The following ESR1 variants were observed in gnomAD, a reference collection of about 807,000 sequenced individuals.
ESR1 encodes the protein estrogen receptor.
ESR1 carries 12 observed loss-of-function variants against 52.7 expected under a neutral mutation model. The ratio of observed to expected loss-of-function variants is 0.23; its 90% CI spans 0.15 to 0.37. The LOEUF is 0.37. ESR1 is among the 10% of genes least tolerant of loss of function. ESR1 has a pLI of 1.00. For synonymous variants in ESR1, 305 were observed against 316.8 expected (o/e 0.96, Z 0.39); for missense variants, 584 against 779.7 (o/e 0.75, Z 2.99).
At chr6:151,993,811 T>C (rs1447367514) in intron 4 of ESR1, among the ~76,000 whole-genome samples, 1 of 152,162 alleles carries the variant, frequency 6.6e-6, no homozygotes, top group African/African-American at 2.4e-5. Context: ...GGCTTCTTAG[T>C]GGAGAAGCCA....
At chr6:152,063,229 C>T (rs1455465014) in intron 6 of ESR1, among the ~76,000 whole-genome samples, 1 of 152,168 alleles carries the variant, frequency 6.6e-6, no homozygotes, top group African/African-American at 2.4e-5. Flanking sequence ...CTTGGCACTT[C>T]TTTGCTCTTG....
chr6:151,964,110 T>A (rs1002588895), intron 4 of ESR1, among the ~76,000 whole-genome samples: 5 of 152,220 alleles, frequency 3.3e-5, no homozygotes, highest in Admixed American at 3.3e-4. Context: ...GTTTGATGCC[T>A]CTAGCTTTGT....
At chr6:151,796,174 A>G (rs1202119580) in intron 2 of ESR1, among the ~76,000 whole-genome samples, 1 of 152,056 alleles carries the variant, frequency 6.6e-6, no homozygotes, top group Non-Finnish European at 1.5e-5. Flanking sequence ...TCAAAAAAAA[A>G]AAAAAGAAAA....
At chr6:151,890,398 T>C (rs1197830973) in intron 3 of ESR1, among the ~76,000 whole-genome samples, 2 of 152,220 alleles carry the variant, frequency 1.3e-5, no homozygotes, top group Admixed American at 1.3e-4. Context: ...TGATCTATAC[T>C]GTTTTATCTA....
intron 2 of ESR1, among the ~76,000 whole-genome samples, chr6:151,763,707 A>G (rs1296493240): frequency 1.3e-5 from 2 of 152,202 alleles, no homozygotes; most frequent in East Asian, 1.9e-4. Context: ...AAGGCCCACA[A>G]AATATACCCA....
chr6:152,000,613 A>T (rs573819536), intron 4 of ESR1, among the ~76,000 whole-genome samples: 22 of 152,128 alleles, frequency 1.4e-4, no homozygotes, highest in African/African-American at 5.3e-4. Context: ...TAGTCTTGTC[A>T]TCATGAGATG....
At chr6:151,878,421 G>A (rs1237716636) in intron 2 of ESR1, among the ~76,000 whole-genome samples, 1 of 152,158 alleles carries the variant, frequency 6.6e-6, no homozygotes, top group Non-Finnish European at 1.5e-5. Context: ...ATAGAAGAGT[G>A]CAAATGTTAA....
intron 6 of ESR1, among the ~76,000 whole-genome samples, chr6:152,063,040 T>G (rs1197635959): frequency 1.3e-5 from 2 of 152,162 alleles, no homozygotes; most frequent in Non-Finnish European, 2.9e-5. Context: ...GAAAAAACTT[T>G]CAGCCCTCAC....
intron 2 of ESR1, among the ~76,000 whole-genome samples, chr6:151,798,162 A>ATAC (rs1362812177): frequency 1.3e-5 from 2 of 152,150 alleles, no homozygotes; most frequent in East Asian, 3.8e-4. Flanking sequence ...ATGAGGACAC[A>ATAC]TACGTAAGGG....
intron 3 of ESR1, among the ~76,000 whole-genome samples, chr6:151,942,471 T>G (rs1312964346): frequency 6.6e-6 from 1 of 152,106 alleles, no homozygotes; most frequent in African/African-American, 2.4e-5. Context: ...CCATGTAAAG[T>G]GTATGTAAAT....
chr6:151,987,271 T>TG, intron 4 of ESR1, among the ~76,000 whole-genome samples: 1 of 152,188 alleles, frequency 6.6e-6, no homozygotes, highest in East Asian at 1.9e-4. Flanking sequence ...ATTATTCTTT[T>TG]GTTTTGAGAC....
At chr6:152,117,790 C>T (rs1211363850) in intron 6 of ESR1, among the ~76,000 whole-genome samples, 2 of 152,196 alleles carry the variant, frequency 1.3e-5, no homozygotes, top group East Asian at 1.9e-4. Flanking sequence ...TCTGTGGTAG[C>T]CTCCAGTGGA....
At chr6:152,021,168 T>C (rs933397079) in intron 5 of ESR1, among the ~76,000 whole-genome samples, 2 of 152,088 alleles carry the variant, frequency 1.3e-5, no homozygotes, top group African/African-American at 4.8e-5. Context: ...CTTAATCTGG[T>C]GGGCACGATC....
At chr6:151,834,490 T>A (rs1229160170) in intron 1 of ESR1, among the ~76,000 whole-genome samples, 1 of 151,986 alleles carries the variant, frequency 6.6e-6, no homozygotes, top group African/African-American at 2.4e-5. Flanking sequence ...TAAGTGGAAA[T>A]TGAACAATGA....
chr6:152,049,652 T>C (rs982182088), intron 5 of ESR1, among the ~76,000 whole-genome samples: 5 of 152,182 alleles, frequency 3.3e-5, no homozygotes, highest in Non-Finnish European at 7.3e-5. Flanking sequence ...GGCAGGCTCA[T>C]AGTGACTCTT....
Position 151,808,694 on chromosome 6 carries a change from GA to G in ESR1, c.452+334del, listed in dbSNP as rs566887529. Reference sequence around the variant, plus strand: ...GACAAAGCAGCAGTTATTTGTGGGGGAAAACACCTCCAGGCAAATAAACACG... The same window carrying G: ...GACAAAGCAGCAGTTATTTGTGGGGGAAACACCTCCAGGCAAATAAACACG... On this transcript the variant is annotated intron_variant, in intron 1 of 7. Coordinates refer to ENST00000206249, the MANE Select transcript of ESR1 (RefSeq NM_000125.4). Among the ~76,000 whole-genome samples the G allele has an allele frequency of 2.4e-4, 36 of 152,318 alleles. 1 individual carries two copies. The highest frequency in any genetic ancestry group is 8.7e-4 in the African/African-American group (36 of 41,574).
intron 4 of ESR1, among the ~76,000 whole-genome samples, chr6:151,967,237 G>A (rs2038373060): frequency 6.6e-6 from 1 of 151,988 alleles, no homozygotes; most frequent in Non-Finnish European, 1.5e-5. Context: ...AGAACATGCA[G>A]GTTTGTTACA....
Position 151,808,087 on chromosome 6 carries a change from G to A in ESR1, c.175G>A (p.Ala59Thr), listed in dbSNP as rs1778165576. 1 of 1,612,672 alleles carries A rather than the reference G, an allele frequency of 6.2e-7. No homozygotes were observed. Residue 59 changes from alanine to threonine, a missense_variant, in exon 1 of 8, where the codon GCC becomes ACC. Physicochemically the swap from Ala to Thr is moderately conservative, Grantham distance 58. Around this residue, in one of 6 missense-constraint regions of ESR1, gnomAD observed 251 missense variants for 246.1 expected, o/e 1.02. Transcript: ENST00000206249. The stretch of plus-strand genomic sequence containing the variant: ...CGTGTACAACTACCCCGAGGGCGCC[G>A]CCTACGAGTTCAACGCCGCGGCCGC... ...PAVYNYPEGA[A>T]YEFNAAAAAN...
intron 2 of ESR1, among the ~76,000 whole-genome samples, chr6:151,880,160 CCACGGGAGGTTTTT>C (rs1385464965): frequency 1.3e-5 from 2 of 150,090 alleles, no homozygotes; most frequent in Non-Finnish European, 3.0e-5. Flanking sequence ...GAAATTAAGT[CCACGGGAGGTTTTT>C]TGTTCTGTTT....
Sources: allele counts gnomAD v4.1 joint callset (sites outside exome capture counted in the v4.1 genomes callset), GRCh38; gene constraint gnomAD v4.1.1; regional missense constraint gnomAD v4.1.1; transcripts MANE v1.5; gene names NCBI Gene and HGNC (gene_info 2026-07-23, HGNC 2026-07-21).